The following CHST8 variants were observed in gnomAD, a reference collection of about 807,000 sequenced individuals.
CHST8 encodes GALNAC-4-ST1.
CHST8 carries 10 observed loss-of-function variants against 15.0 expected under a neutral mutation model. The observed-to-expected ratio is 0.67, with a 90% CI of 0.41 to 1.13. The LOEUF (loss-of-function observed/expected upper bound fraction) is 1.13. Among genes scored for constraint, CHST8 ranks in the 50% most tolerant of loss-of-function variants. CHST8 has a pLI of 0.00. For missense variants in CHST8, 634 were observed against 608.2 expected, an observed-to-expected ratio of 1.04 and a Z score of -0.45; for synonymous variants, 259 against 256.6, an observed-to-expected ratio of 1.01 and a Z score of -0.09.
intron 4 of CHST8, 110 bp downstream of exon 4, chr19:33,771,560 T>G: frequency 9.0e-7 from 1 of 1,112,238 alleles, no homozygotes; most frequent in East Asian, 2.4e-5. Context: ...GAAAGAAAAA[T>G]GTGTCCAGCC....
chr19:33,740,921 C>T (rs1974174639), intron 3 of CHST8, among the ~76,000 whole-genome samples: 1 of 152,170 alleles, frequency 6.6e-6, no homozygotes, highest in African/African-American at 2.4e-5. Context: ...TCACACCTTA[C>T]ATTCCCCGGG....
At chr19:33,702,282 G>A (rs1272839965) in intron 3 of CHST8, among the ~76,000 whole-genome samples, 2 of 151,910 alleles carry the variant, frequency 1.3e-5, no homozygotes, top group Admixed American at 6.6e-5. Flanking sequence ...CACCACACCC[G>A]GCCTATGTTT....
chr19:33,700,428 C>T (rs1341941547), intron 3 of CHST8, among the ~76,000 whole-genome samples: 2 of 152,226 alleles, frequency 1.3e-5, no homozygotes, highest in Non-Finnish European at 2.9e-5. Context: ...CTGAACAGCG[C>T]CCAAGGCTGG....
chr19:33,685,595 G>A lies in CHST8; in HGVS notation c.-86-3581G>A, dbSNP rs187286170. 8.5e-5 allele frequency among the ~76,000 whole-genome samples: 13 copies of A among 152,248 alleles called. No homozygotes were observed. The East Asian group carries it at 2.1e-3, about 25-fold the overall frequency. On this transcript the variant is annotated intron_variant, in intron 2 of 4. Transcript: ENST00000650847. ...GAAGGCAGGTTTTGCCCTTGTCATC[G>A]GAGCTGAGAGTGATATAGTCTGTGA...
intron 1 of CHST8, among the ~76,000 whole-genome samples, chr19:33,633,440 A>G (rs1017182913): frequency 6.6e-6 from 1 of 152,024 alleles, no homozygotes; most frequent in African/African-American, 2.4e-5. Context: ...CATCTAGGCC[A>G]GAGTGCAGTG....
At position 33,745,910 on chromosome 19, in the gene CHST8, C is replaced by T. The variant is rs140566223; in HGVS notation, c.131-25503C>T. ...ACCCCAGCCTCCCTGCACCCTTCAC[C>T]TCTGGCTCCCAGCCCCTGCTGTCCT... On this transcript the variant is annotated intron_variant, in intron 3 of 4. Transcript: ENST00000650847. 1.7e-3 allele frequency among the ~76,000 whole-genome samples: 258 copies of T among 152,342 alleles called. 7 individuals carry two copies. In the East Asian group the frequency reaches 0.046, roughly 27 times the overall value.
chr19:33,670,557 G>A (rs1406659345), intron 2 of CHST8, among the ~76,000 whole-genome samples: 1 of 152,214 alleles, frequency 6.6e-6, no homozygotes, highest in Non-Finnish European at 1.5e-5. Flanking sequence ...ATGGTGCCAA[G>A]ATCGGCTGCT....
At chr19:33,652,518 G>A (rs192667344) in intron 1 of CHST8, among the ~76,000 whole-genome samples, 24 of 151,624 alleles carry the variant, frequency 1.6e-4, no homozygotes, top group African/African-American at 5.3e-4. Context: ...TGGGACTACA[G>A]GCGCCCAGCA....
At chr19:33,697,555 T>C (rs1359278879) in intron 3 of CHST8, among the ~76,000 whole-genome samples, 1 of 152,162 alleles carries the variant, frequency 6.6e-6, no homozygotes, top group African/African-American at 2.4e-5. Context: ...AAAACCCCTA[T>C]GAGTGAATTA....
In CHST8 at chr19:33,773,342, G is replaced by A. The variant is rs1975052992; in HGVS notation, c.*279G>A. On this transcript the variant is annotated 3_prime_UTR_variant, in exon 5 of 5. Coordinates refer to ENST00000650847, the MANE Select transcript of CHST8 (RefSeq NM_001127895.2). ...GGAGCTCAGCCGACAGTTTTGATGAGCAGGGAAGTCTGAGGCCCAGAGGAC... is the reference window on the plus strand; with the variant it reads ...GGAGCTCAGCCGACAGTTTTGATGAACAGGGAAGTCTGAGGCCCAGAGGAC... 3 of 474,902 alleles carry A rather than the reference G, an allele frequency of 6.3e-6. No homozygotes were observed. Among genetic ancestry groups the A allele is most frequent in the South Asian group, 3.4e-5 (1 of 29,440 alleles). The allele number at this position is 474,902 out of a possible 1,614,324, so 29.4% of individuals were successfully genotyped here.
At chr19:33,750,890 A>G (rs1306586531) in intron 3 of CHST8, among the ~76,000 whole-genome samples, 1 of 151,678 alleles carries the variant, frequency 6.6e-6, no homozygotes, top group Non-Finnish European at 1.5e-5. Flanking sequence ...AGCAGCAGGC[A>G]GATGCACCCC....
intron 3 of CHST8, among the ~76,000 whole-genome samples, chr19:33,715,840 T>A (rs1246889805): frequency 6.6e-6 from 1 of 152,204 alleles, no homozygotes; most frequent in African/African-American, 2.4e-5. Context: ...CCATGCTAGC[T>A]TCTCCAGGCA....
chr19:33,637,767 G>C lies in CHST8; in HGVS notation c.-164+15471G>C, dbSNP rs184422884. 1.7e-3 allele frequency among the ~76,000 whole-genome samples: 253 copies of C among 146,786 alleles called. 2 individuals carry two copies. The highest frequency in any genetic ancestry group is 6.1e-3 in the African/African-American group (243 of 39,836). On this transcript the variant is annotated intron_variant, in intron 1 of 4. Coordinates refer to ENST00000650847, the MANE Select transcript of CHST8 (RefSeq NM_001127895.2). ...AATCCCAGCTCTTTGGGAGGCCCAG[G>C]CAGGAGGATCGCTTGAGTCCAGAAG...
intron 3 of CHST8, among the ~76,000 whole-genome samples, chr19:33,741,054 G>C (rs1974179831): frequency 1.3e-5 from 2 of 152,154 alleles, no homozygotes; most frequent in Admixed American, 1.3e-4. Context: ...GCTGCGGCAG[G>C]GTCAGAACTG....
intron 3 of CHST8, among the ~76,000 whole-genome samples, chr19:33,751,190 C>A (rs1479397528): frequency 6.6e-6 from 1 of 152,178 alleles, no homozygotes; most frequent in Non-Finnish European, 1.5e-5. Context: ...CTGCCCACCG[C>A]ACCCTCGCTT....
chr19:33,690,794 G>A (rs986762922), intron 3 of CHST8, among the ~76,000 whole-genome samples: 3 of 152,232 alleles, frequency 2.0e-5, no homozygotes, highest in Non-Finnish European at 2.9e-5. Context: ...ACACTGCATT[G>A]GCAGAACAGG....
chr19:33,647,394 A>G (rs1031140366), intron 1 of CHST8, among the ~76,000 whole-genome samples: 3 of 152,168 alleles, frequency 2.0e-5, no homozygotes, highest in Admixed American at 6.5e-5. Context: ...GTGAGGACCA[A>G]GGGCTGATCA....
At chr19:33,714,103 C>T (rs893148835) in intron 3 of CHST8, among the ~76,000 whole-genome samples, 1 of 152,124 alleles carries the variant, frequency 6.6e-6, no homozygotes, top group African/African-American at 2.4e-5. Flanking sequence ...ATTTCTCAAA[C>T]AACTAAAAGT....
intron 2 of CHST8, among the ~76,000 whole-genome samples, chr19:33,675,478 G>A (rs1409485210): frequency 4.6e-5 from 7 of 152,234 alleles, no homozygotes; most frequent in Admixed American, 1.3e-4. Context: ...TTTCCCTGAT[G>A]AGCTGGGTTT....
Sources: gnomAD v4.1 joint callset for allele counts (sites outside exome capture counted in the v4.1 genomes callset) on GRCh38, gnomAD v4.1.1 for gene constraint, MANE v1.5 for transcripts, NCBI Gene and HGNC (gene_info 2026-07-23, HGNC 2026-07-21) for gene names.